Variants in EYS observed in about 807,000 individuals in gnomAD.
EYS encodes EGF-like photoreceptor maintenance factor, also known as protein eyes shut homolog.
In EYS, 250 loss-of-function variants were observed where a neutral mutation model predicts 282.1. The observed-to-expected ratio is 0.89, with a 90% CI of 0.80 to 0.98. The LOEUF is 0.98. Among genes scored for constraint, EYS ranks in the 50% least tolerant of loss-of-function variants. The pLI is 0.00. For missense variants in EYS, 4,016 were observed against 3,709.0 expected (o/e 1.08, Z -2.15); for synonymous variants, 1,355 against 1,282.9 (o/e 1.06, Z -1.20).
intron 14 of EYS, among the ~76,000 whole-genome samples, chr6:64,957,797 A>G (rs1769762491): frequency 6.6e-6 from 1 of 152,170 alleles, no homozygotes. Context: ...AGTGCCTGTA[A>G]AAGTGGAAAA....
In EYS at chr6:64,605,727, C is replaced by T. The variant is rs140441644; in HGVS notation, c.3684+11691G>A. Among the ~76,000 whole-genome samples the T allele has an allele frequency of 1.8e-3, 272 of 151,932 alleles. 2 individuals are homozygous for T. The highest frequency in any genetic ancestry group is 6.1e-3 in the African/African-American group (255 of 41,500). On this transcript the variant is annotated intron_variant, in intron 24 of 42. Coordinates refer to ENST00000503581, the MANE Select transcript of EYS (RefSeq NM_001142800.2). ...AAGAGCCATGAAACATTTCAGAAGT[C>T]AAATTGTTTGATCTTTCCTACTATT... is the stretch of plus-strand genomic sequence containing the variant.
intron 32 of EYS, among the ~76,000 whole-genome samples, chr6:64,072,686 G>C (rs114987013): frequency 1.3e-5 from 2 of 151,846 alleles, no homozygotes; most frequent in Non-Finnish European, 2.9e-5. Context: ...CATTTTGTGC[G>C]TGGGGAGGGT....
intron 11 of EYS, chr6:65,330,240 T>C: frequency 3.2e-6 from 3 of 952,354 alleles, no homozygotes; most frequent in Non-Finnish European, 3.7e-6. Flanking sequence ...TTTTGAAAAA[T>C]ATCTTCCAGT....
chr6:65,377,893 G>A (rs1407055259), intron 8 of EYS, among the ~76,000 whole-genome samples: 2 of 152,068 alleles, frequency 1.3e-5, no homozygotes, highest in South Asian at 2.1e-4. Flanking sequence ...AAAAAGTTCT[G>A]AAATTGAGGC....
At chr6:64,523,245 C>A (rs1054894761) in intron 26 of EYS, among the ~76,000 whole-genome samples, 7 of 151,684 alleles carry the variant, frequency 4.6e-5, no homozygotes, top group African/African-American at 1.7e-4. Flanking sequence ...GTAAGAATAA[C>A]TTTTGACAAT....
In EYS at chr6:65,164,365, T is replaced by C. The variant is rs547416736; in HGVS notation, c.2024-106638A>G. Among the ~76,000 whole-genome samples, 7 of 151,416 alleles carry C rather than the reference T, an allele frequency of 4.6e-5. No individual in the cohort carries two copies. In the South Asian group the frequency reaches 1.5e-3, roughly 31 times the overall value. On this transcript the variant is annotated intron_variant, in intron 12 of 42. Transcript: ENST00000503581. ...ATTTTCAGGTCTATTGATCTATTGATTGCTAAGAGAAGACTGCTTAATTCT... is the reference window on the plus strand; with the variant it reads ...ATTTTCAGGTCTATTGATCTATTGACTGCTAAGAGAAGACTGCTTAATTCT...
At chr6:64,074,879 A>G (rs952327267) in intron 32 of EYS, among the ~76,000 whole-genome samples, 3 of 151,936 alleles carry the variant, frequency 2.0e-5, no homozygotes, top group Admixed American at 6.6e-5. Context: ...ACATACCTGC[A>G]TCACTTGTAG....
intron 12 of EYS, among the ~76,000 whole-genome samples, chr6:65,282,986 T>C (rs181900148): frequency 1.5e-3 from 221 of 152,082 alleles, no homozygotes; most frequent in African/African-American, 5.1e-3. Flanking sequence ...ATTAAATATA[T>C]ATACATCCAC....
At chr6:64,680,250 T>A (rs916952205) in intron 22 of EYS, among the ~76,000 whole-genome samples, 2 of 152,166 alleles carry the variant, frequency 1.3e-5, no homozygotes, top group African/African-American at 4.8e-5. Context: ...GGGGTCCACC[T>A]CCAGAGTGCC....
intron 12 of EYS, among the ~76,000 whole-genome samples, chr6:65,212,660 C>A (rs1021573651): frequency 1.3e-5 from 2 of 152,008 alleles, no homozygotes; most frequent in Non-Finnish European, 2.9e-5. Context: ...ACATTGATTA[C>A]TACAGAAAGA....
Position 65,418,626 on chromosome 6 carries a change from G to A in EYS, c.863-13259C>T, listed in dbSNP as rs115492496. Among the ~76,000 whole-genome samples, 1,106 of 152,098 alleles carry A rather than the reference G, an allele frequency of 7.3e-3. 14 individuals are homozygous for A. Among genetic ancestry groups the A allele is most frequent in the African/African-American group, 0.022 (902 of 41,514 alleles). ...CATCATCCTTAGCAAACTAACACAG[G>A]AGCAGGAAACCAAACACCACATGTT... On this transcript the variant is annotated intron_variant, in intron 5 of 42. Coordinates refer to ENST00000503581, the MANE Select transcript of EYS (RefSeq NM_001142800.2).
intron 33 of EYS, among the ~76,000 whole-genome samples, chr6:64,024,187 C>A (rs923971452): frequency 1.3e-5 from 2 of 152,340 alleles, no homozygotes; most frequent in African/African-American, 4.8e-5. Flanking sequence ...TGGGTGAAGC[C>A]AGCGGGGCTC....
chr6:64,080,856 C>A (rs1455379780), intron 32 of EYS, among the ~76,000 whole-genome samples: 2 of 152,084 alleles, frequency 1.3e-5, no homozygotes, highest in African/African-American at 4.8e-5. Context: ...TGTCAAATAT[C>A]AGATAGTTGT....
At chr6:63,887,639 T>A (rs974238058) in intron 35 of EYS, among the ~76,000 whole-genome samples, 3 of 152,188 alleles carry the variant, frequency 2.0e-5, no homozygotes, top group African/African-American at 7.2e-5. Context: ...ATACTACACT[T>A]TTCCCATGGT....
At chr6:64,168,105 A>G (rs1764351920) in intron 31 of EYS, among the ~76,000 whole-genome samples, 1 of 152,146 alleles carries the variant, frequency 6.6e-6, no homozygotes, top group South Asian at 2.1e-4. Flanking sequence ...TACTAAAAAT[A>G]CAAAAGATTA....
intron 30 of EYS, among the ~76,000 whole-genome samples, chr6:64,237,876 G>C (rs1021971492): frequency 6.6e-6 from 1 of 152,022 alleles, no homozygotes; most frequent in Non-Finnish European, 1.5e-5. Context: ...CAAAATTACT[G>C]TTAGTACATG....
At chr6:65,702,179 C>T (rs1769702283) in intron 1 of EYS, among the ~76,000 whole-genome samples, 1 of 151,882 alleles carries the variant, frequency 6.6e-6, no homozygotes. Context: ...GTTTCTTTGA[C>T]TATTTTCTTT....
chr6:64,039,059 G>A (rs915905661), intron 33 of EYS, among the ~76,000 whole-genome samples: 2 of 152,038 alleles, frequency 1.3e-5, no homozygotes, highest in Admixed American at 6.6e-5. Flanking sequence ...CCCGCCTTGG[G>A]CTCTCAAAGT....
At position 64,591,985 on chromosome 6, in the gene EYS, T is replaced by C. The variant is rs572071028; in HGVS notation, c.3882A>G (p.Pro1294=). The stretch of plus-strand genomic sequence containing the variant: ...CGTGCTTGACAATGCCTGTCTGTTT[T>C]GGACCTACAAAAAGGAAAAAAGCCA... ...IMDTYPVDQG[P]KQTGIVKHDI... is the part of the protein sequence containing the mutation. The change falls in exon 26 of 43, where the codon CCA becomes CCG. Residue 1294 remains proline, a synonymous_variant. Transcript: ENST00000503581. The C allele has an allele frequency of 2.0e-6, 3 of 1,468,346 alleles. No homozygotes were observed. Among genetic ancestry groups the C allele is most frequent in the Non-Finnish European group, 2.7e-6 (3 of 1,108,890 alleles). The allele number at this position is 1,468,346 out of a possible 1,614,324, so 91.0% of individuals were successfully genotyped here.
Sources: gnomAD v4.1 joint callset for allele counts (sites outside exome capture counted in the v4.1 genomes callset) on GRCh38, gnomAD v4.1.1 for gene constraint, MANE v1.5 for transcripts, NCBI Gene and HGNC (gene_info 2026-07-23, HGNC 2026-07-21) for gene names.